MMP26: variants seen among roughly 807,000 people sequenced by gnomAD.
MMP26 encodes matrix metallopeptidase 26.
Under a neutral mutation model 31.0 loss-of-function variants are expected in MMP26, and 33 were observed. The observed-to-expected ratio is 1.06, with a 90% CI of 0.81 to 1.42. The LOEUF (loss-of-function observed/expected upper bound fraction) is 1.42. Among genes scored for constraint, MMP26 ranks in the 40% most tolerant of loss-of-function variants. MMP26 has a pLI of 0.00. For synonymous variants in MMP26, 122 were observed against 114.9 expected, an observed-to-expected ratio of 1.06 and a Z score of -0.40; for missense variants, 347 against 316.1, an observed-to-expected ratio of 1.10 and a Z score of -0.74.
chr11:4,709,549 C>A (rs1270620455), intron 1 of MMP26: 6 of 420,982 alleles, frequency 1.4e-5, no homozygotes, highest in Admixed American at 1.0e-4. Flanking sequence ...TCCTCAAAGA[C>A]ATCTGCTTCT....
rs558924141 is a variant in MMP26, at chr11:4,984,533, A to G, written c.-144-3535A>G. Reference sequence around the variant, plus strand: ...CCAGCTATGAGATTTTTTTTACTGAACACTTTTATTAATTTAATGAATAAT... The same window carrying G: ...CCAGCTATGAGATTTTTTTTACTGAGCACTTTTATTAATTTAATGAATAAT... On this transcript the variant is annotated intron_variant, in intron 2 of 7. Coordinates refer to ENST00000380390, the MANE Select transcript of MMP26 (RefSeq NM_021801.5). 1.3e-4 allele frequency among the ~76,000 whole-genome samples: 20 copies of G among 152,234 alleles called. No homozygotes were observed. The South Asian group carries it at 3.7e-3, about 28-fold the overall frequency.
chr11:4,988,329 A>G lies in MMP26; in HGVS notation c.99+19A>G. ...TGTTGAGGTAGGTGAACGACTCAGG[A>G]CCACATTATTACATGGTGACCATTG... On this transcript the variant is annotated intron_variant, in intron 3 of 7. Transcript: ENST00000380390. The G allele has an allele frequency of 1.3e-6, 2 of 1,591,672 alleles. No homozygotes were observed. The highest frequency in any genetic ancestry group is 1.7e-6 in the Non-Finnish European group (2 of 1,159,526).
At chr11:4,859,158 G>C (rs1036207986) in intron 2 of MMP26, among the ~76,000 whole-genome samples, 2 of 152,068 alleles carry the variant, frequency 1.3e-5, no homozygotes, top group African/African-American at 4.8e-5. Context: ...GGACATAGGC[G>C]TGGGCAAAGA....
chr11:4,772,400 G>A (rs1220046963), intron 2 of MMP26, among the ~76,000 whole-genome samples: 1 of 143,112 alleles, frequency 7.0e-6, no homozygotes. Flanking sequence ...CAATAAAGAG[G>A]GAAAACTTTA....
At chr11:4,780,057 A>T (rs1373554680) in intron 2 of MMP26, among the ~76,000 whole-genome samples, 1 of 152,130 alleles carries the variant, frequency 6.6e-6, no homozygotes, top group Non-Finnish European at 1.5e-5. Context: ...ATAGAATTCC[A>T]TTTGTGGGTA....
At chr11:4,756,974 A>G (rs2133406636) in intron 1 of MMP26, among the ~76,000 whole-genome samples, 1 of 152,286 alleles carries the variant, frequency 6.6e-6, no homozygotes, top group African/African-American at 2.4e-5. Context: ...ATTTAATGTA[A>G]TATCAACAAG....
intron 2 of MMP26, among the ~76,000 whole-genome samples, chr11:4,920,044 G>T (rs940956196): frequency 6.6e-5 from 10 of 152,106 alleles, no homozygotes; most frequent in African/African-American, 9.7e-5. Flanking sequence ...TGATTACAAG[G>T]GTATGAAGAG....
chr11:4,778,759 G>A (rs567204521), intron 2 of MMP26, among the ~76,000 whole-genome samples: 1 of 152,144 alleles, frequency 6.6e-6, no homozygotes, highest in South Asian at 2.1e-4. Flanking sequence ...ATATGTGTAT[G>A]TGTCTTCAAT....
intron 2 of MMP26, among the ~76,000 whole-genome samples, chr11:4,828,700 C>T (rs759605559): frequency 5.9e-5 from 9 of 152,122 alleles, no homozygotes; most frequent in Non-Finnish European, 1.2e-4. Flanking sequence ...GTCTGCAATG[C>T]TCTCTTGGTT....
At chr11:4,727,717 G>A (rs1848121336) in intron 1 of MMP26, among the ~76,000 whole-genome samples, 1 of 152,198 alleles carries the variant, frequency 6.6e-6, no homozygotes, top group Non-Finnish European at 1.5e-5. Flanking sequence ...GCTGAGGTGA[G>A]AGAATTGCTT....
intron 2 of MMP26, chr11:4,923,601 T>C (rs746223878): frequency 6.2e-7 from 1 of 1,613,738 alleles, no homozygotes; most frequent in Non-Finnish European, 8.5e-7. Context: ...ACAGCACAGA[T>C]ATGAGAGACA....
intron 2 of MMP26, among the ~76,000 whole-genome samples, chr11:4,846,904 A>G (rs1466602648): frequency 6.6e-6 from 1 of 152,196 alleles, no homozygotes; most frequent in African/African-American, 2.4e-5. Flanking sequence ...AGCATTTGTT[A>G]TAATTCTCAC....
Position 4,898,831 on chromosome 11 carries a change from CTGTGTGTGTGTG to C in MMP26, c.-144-89203_-144-89192del, listed in dbSNP as rs1157500335. Among the ~76,000 whole-genome samples, 140 of 94,242 alleles carry C rather than the reference CTGTGTGTGTGTG, an allele frequency of 1.5e-3. 1 individual carries two copies. Among genetic ancestry groups the C allele is most frequent in the East Asian group, 5.2e-3 (4 of 762 alleles). The allele number at this position is 94,242 out of a possible 152,430, so 61.8% of individuals were successfully genotyped here. On this transcript the variant is annotated intron_variant, in intron 2 of 7. Coordinates refer to ENST00000380390, the MANE Select transcript of MMP26 (RefSeq NM_021801.5). ...GAAATCTCTCTCTCTCTCTCTCTCT[CTGTGTGTGTGTG>C]TGTGTGTGTGTGTGTGTGTGTGTGT... is the stretch of plus-strand genomic sequence containing the variant.
intron 3 of MMP26, among the ~76,000 whole-genome samples, chr11:4,988,682 C>G (rs148309518): frequency 6.6e-6 from 1 of 151,998 alleles, no homozygotes; most frequent in Non-Finnish European, 1.5e-5. Flanking sequence ...ATTAATGGGA[C>G]CTTCACATTG....
intron 2 of MMP26, among the ~76,000 whole-genome samples, chr11:4,858,433 TAGAC>T (rs1485513357): frequency 2.0e-5 from 3 of 150,724 alleles, no homozygotes. Flanking sequence ...ACACCAATAA[TAGAC>T]AGAGAGCCAA....
At chr11:4,897,864 G>A (rs147426683) in intron 2 of MMP26, among the ~76,000 whole-genome samples, 63 of 149,550 alleles carry the variant, frequency 4.2e-4, no homozygotes, top group Non-Finnish European at 7.0e-4. Context: ...TCTATATGTT[G>A]TAATTCTTAA....
chr11:4,925,227 G>C (rs564831363), intron 2 of MMP26, among the ~76,000 whole-genome samples: 1 of 152,134 alleles, frequency 6.6e-6, no homozygotes, highest in African/African-American at 2.4e-5. Flanking sequence ...TGTTGGGGAT[G>C]AAATTTAAAC....
chr11:4,780,438 T>C (rs1231823825), intron 2 of MMP26, among the ~76,000 whole-genome samples: 1 of 152,222 alleles, frequency 6.6e-6, no homozygotes, highest in Non-Finnish European at 1.5e-5. Flanking sequence ...GGATGCATTT[T>C]CCTGTGTGTA....
chr11:4,967,379 T>C (rs953177845), intron 2 of MMP26, among the ~76,000 whole-genome samples: 2 of 152,210 alleles, frequency 1.3e-5, no homozygotes, highest in South Asian at 2.1e-4. Context: ...GCCTTATACG[T>C]TTTCTTTACC....
Sources: gnomAD v4.1 joint callset for allele counts (sites outside exome capture counted in the v4.1 genomes callset) on GRCh38, gnomAD v4.1.1 for gene constraint, MANE v1.5 for transcripts, NCBI Gene and HGNC (gene_info 2026-07-23, HGNC 2026-07-21) for gene names.